Variants in SYT16 observed in about 807,000 individuals in gnomAD.
The protein encoded by SYT16 is synaptotagmin-16.
A neutral mutation model predicts 61.4 loss-of-function variants in SYT16; 42 were observed. That is an observed-to-expected ratio of 0.68 (90% CI 0.53 to 0.89). The LOEUF (loss-of-function observed/expected upper bound fraction) is 0.89, where lower values mean the gene tolerates loss of function less well. Ranked by LOEUF, SYT16 falls within the 40% of genes least tolerant of loss-of-function variation. The probability of loss-of-function intolerance (pLI) is 0.00; values close to 1 mark genes in which losing one functional copy is unlikely to be tolerated. For synonymous variants in SYT16, 314 were observed against 302.3 expected (o/e 1.04, Z -0.40); for missense variants, 804 against 807.3 (o/e 1.00, Z 0.05).
chr14:61,846,154 C>T (rs1207437981), intron 1 of SYT16, among the ~76,000 whole-genome samples: 2 of 152,094 alleles, frequency 1.3e-5, no homozygotes, highest in Non-Finnish European at 2.9e-5. Context: ...TGTAAATATA[C>T]ATTAGGTCCA....
chr14:61,846,894 AAAC>A (rs1766162809), intron 1 of SYT16, among the ~76,000 whole-genome samples: 1 of 152,134 alleles, frequency 6.6e-6, no homozygotes, highest in Admixed American at 6.5e-5. Context: ...TTTAAGCAGA[AAAC>A]AACACTATTT....
At chr14:62,065,657 A>C (rs923101196) in intron 3 of SYT16, among the ~76,000 whole-genome samples, 2 of 152,158 alleles carry the variant, frequency 1.3e-5, no homozygotes, top group African/African-American at 4.8e-5. Context: ...ATTAGAATGG[A>C]ATCTCAGAGT....
intron 7 of SYT16, among the ~76,000 whole-genome samples, chr14:62,085,017 T>A (rs1173087192): frequency 6.6e-6 from 1 of 152,226 alleles, no homozygotes; most frequent in Non-Finnish European, 1.5e-5. Flanking sequence ...AATGCAGGAC[T>A]GGCTTTCTAG....
At position 61,840,906 on chromosome 14, in the gene SYT16, A is replaced by G. The variant is rs537670052; in HGVS notation, c.-325+28096A>G. On this transcript the variant is annotated intron_variant, in intron 1 of 7. Coordinates refer to ENST00000683842, the MANE Select transcript of SYT16 (RefSeq NM_001367656.1). The stretch of plus-strand genomic sequence containing the variant: ...TAGAAGAGAAGACTTGAGTATATTT[A>G]TAGGCTCAGAGGGAAAAGCCAATGG... Among the ~76,000 whole-genome samples the G allele has an allele frequency of 2.6e-5, 4 of 152,362 alleles. 1 individual carries two copies. The South Asian group carries it at 8.3e-4, about 32-fold the overall frequency.
At chr14:62,020,842 G>T (rs1221957304) in intron 3 of SYT16, among the ~76,000 whole-genome samples, 1 of 152,170 alleles carries the variant, frequency 6.6e-6, no homozygotes, top group South Asian at 2.1e-4. Context: ...GTGACCATGG[G>T]CATGATCCAT....
At chr14:62,015,673 G>C (rs1001080861) in intron 3 of SYT16, among the ~76,000 whole-genome samples, 1 of 152,154 alleles carries the variant, frequency 6.6e-6, no homozygotes, top group African/African-American at 2.4e-5. Flanking sequence ...CCTTATAAAA[G>C]AGGCCCCAGA....
chr14:62,084,282 A>C lies in SYT16; in HGVS notation c.1521A>C (p.Pro507=), dbSNP rs1370863154. 6.2e-7 allele frequency: 1 copy of C among 1,613,790 alleles called. No homozygotes were observed. Among genetic ancestry groups the C allele is most frequent in the South Asian group, 1.1e-5 (1 of 91,064 alleles). ...AGTCGCTGTCTCATGGAGGGGCGCC[A>C]GAGCTGTTGGTGGGGCTCTCGTACA... ...STQSLSHGGA[P]ELLVGLSYNA... is the part of the protein sequence containing the mutation. The change falls in exon 7 of 8, where the codon CCA becomes CCC. Residue 507 remains proline, a synonymous_variant. Transcript: ENST00000683842.
intron 1 of SYT16, among the ~76,000 whole-genome samples, chr14:61,846,068 T>G (rs1253405948): frequency 6.6e-6 from 1 of 152,214 alleles, no homozygotes; most frequent in African/African-American, 2.4e-5. Flanking sequence ...TAAGACTTGT[T>G]TTTTGACCTA....
rs144022896 is a variant in SYT16 at position 62,078,172 on chromosome 14, A to AACACACACACACACACACACAC, written c.994-2658_994-2637dup. The stretch of plus-strand genomic sequence containing the variant: ...CTCTCTCTCTATATATATATATATA[A>AACACACACACACACACACACAC]ACACACACACACACACACACACACA... On this transcript the variant is annotated intron_variant, in intron 5 of 7. Coordinates refer to ENST00000683842, the MANE Select transcript of SYT16 (RefSeq NM_001367656.1). 4.2e-3 allele frequency among the ~76,000 whole-genome samples: 535 copies of AACACACACACACACACACACAC among 128,788 alleles called. 1 individual carries two copies. Among genetic ancestry groups the AACACACACACACACACACACAC allele is most frequent in the African/African-American group, 0.012 (379 of 32,036 alleles). The allele number at this position is 128,788 out of a possible 152,430, so 84.5% of individuals were successfully genotyped here. A position where few individuals can be genotyped will look rare whatever the true frequency, so the allele number is the denominator to read the frequency against.
At chr14:61,869,926 A>T (rs949737905) in intron 1 of SYT16, among the ~76,000 whole-genome samples, 1 of 152,186 alleles carries the variant, frequency 6.6e-6, no homozygotes, top group African/African-American at 2.4e-5. Context: ...TTGTTGTTTA[A>T]ACCACCCAAT....
intron 1 of SYT16, among the ~76,000 whole-genome samples, chr14:61,951,780 T>A (rs2050680671): frequency 6.6e-6 from 1 of 151,996 alleles, no homozygotes. Flanking sequence ...TTTCTATAAT[T>A]ATATTATATT....
chr14:61,978,438 A>C (rs547082104), intron 2 of SYT16, among the ~76,000 whole-genome samples: 1 of 152,362 alleles, frequency 6.6e-6, no homozygotes, highest in South Asian at 2.1e-4. Context: ...TGTAATTAGC[A>C]GTCAGGGTAT....
intron 1 of SYT16, among the ~76,000 whole-genome samples, chr14:61,830,554 T>TC (rs1295554444): frequency 4.6e-5 from 7 of 152,222 alleles, no homozygotes; most frequent in African/African-American, 1.7e-4. Context: ...CCGGTTGATT[T>TC]CACACATGGA....
At chr14:61,840,957 G>A (rs776258037) in intron 1 of SYT16, among the ~76,000 whole-genome samples, 1 of 152,176 alleles carries the variant, frequency 6.6e-6, no homozygotes, top group Non-Finnish European at 1.5e-5. Context: ...GGTGTGAAAA[G>A]GAAGAAATAA....
rs548593898 is a variant in SYT16 at position 62,108,569 on chromosome 14, A to T, written c.*7862A>T. The T allele has an allele frequency of 6.6e-6, 1 of 152,274 alleles. No individual in the cohort carries two copies. The highest frequency in any genetic ancestry group is 1.5e-5 in the Non-Finnish European group (1 of 68,008). The allele number at this position is 152,274 out of a possible 1,614,324, so 9.4% of individuals were successfully genotyped here. ...TTGACCAAAGCTTACTAATTTTGCC[A>T]CATTTCCTTGTGGGTTATGATAATC... On this transcript the variant is annotated 3_prime_UTR_variant, in exon 8 of 8. Coordinates refer to ENST00000683842, the MANE Select transcript of SYT16 (RefSeq NM_001367656.1).
intron 3 of SYT16, among the ~76,000 whole-genome samples, chr14:62,022,494 G>A (rs1440104554): frequency 6.6e-6 from 1 of 152,002 alleles, no homozygotes; most frequent in Non-Finnish European, 1.5e-5. Context: ...ATTTAGGTGT[G>A]ATCTGCTTTT....
chr14:61,903,176 C>T (rs1443564502), intron 1 of SYT16, among the ~76,000 whole-genome samples: 1 of 152,138 alleles, frequency 6.6e-6, no homozygotes, highest in Non-Finnish European at 1.5e-5. Context: ...TCCAATATGA[C>T]CTCATCTTCA....
In SYT16 at chr14:61,943,843, C is replaced by T. The variant is rs145288930; in HGVS notation, c.-324-26289C>T. Among the ~76,000 whole-genome samples the T allele has an allele frequency of 8.5e-3, 1,302 of 152,312 alleles. 17 individuals are homozygous for T. Among genetic ancestry groups the T allele is most frequent in the African/African-American group, 0.029 (1,185 of 41,564 alleles). ...GGCACAAGACAAGAGTGCCCTCTCT[C>T]ACCACTCCTTTTCAAGATAATATTG... On this transcript the variant is annotated intron_variant, in intron 1 of 7. Coordinates refer to ENST00000683842, the MANE Select transcript of SYT16 (RefSeq NM_001367656.1).
chr14:61,992,924 A>G (rs2052614948), intron 2 of SYT16, among the ~76,000 whole-genome samples: 1 of 152,114 alleles, frequency 6.6e-6, no homozygotes. Context: ...AGGGAATCAT[A>G]ATGGCTTTTT....
Sources: gnomAD v4.1 joint callset for allele counts (sites outside exome capture counted in the v4.1 genomes callset) on GRCh38, gnomAD v4.1.1 for gene constraint, MANE v1.5 for transcripts, NCBI Gene and HGNC (gene_info 2026-07-23, HGNC 2026-07-21) for gene names.